TSPAN5: variants seen among roughly 807,000 people sequenced by gnomAD.
The protein encoded by TSPAN5 is tetraspanin 5.
Under a neutral mutation model 37.1 loss-of-function variants are expected in TSPAN5, and 10 were observed. The observed-to-expected ratio is 0.27, with a 90% confidence interval of 0.17 to 0.46. The LOEUF (loss-of-function observed/expected upper bound fraction) is 0.46, where lower values mean the gene tolerates loss of function less well. Ranked by LOEUF, TSPAN5 falls within the 20% of genes least tolerant of loss-of-function variation. The probability of loss-of-function intolerance (pLI) is 1.00; values close to 1 mark genes in which losing one functional copy is unlikely to be tolerated. For missense variants in TSPAN5, 195 were observed against 326.6 expected (o/e 0.60, Z 3.11); for synonymous variants, 110 against 118.9 (o/e 0.93, Z 0.48).
chr4:98,503,338 A>G lies in TSPAN5; in HGVS notation c.132+4340T>C, dbSNP rs554464747. ...TTCCTCTCCATGGTGCAGAAAAGAC[A>G]CCAGAGCGGGGCCAGATGAGCACCA... is the stretch of plus-strand genomic sequence containing the variant. On this transcript the variant is annotated intron_variant, in intron 2 of 7. Transcript: ENST00000305798. 3.3e-5 allele frequency among the ~76,000 whole-genome samples: 5 copies of G among 152,252 alleles called. No homozygotes were observed. The East Asian group carries it at 9.6e-4, about 29-fold the overall frequency.
intron 1 of TSPAN5, among the ~76,000 whole-genome samples, chr4:98,548,658 A>G (rs1754526473): frequency 6.6e-6 from 1 of 152,038 alleles, no homozygotes; most frequent in Non-Finnish European, 1.5e-5. Flanking sequence ...TAATTTTTCA[A>G]CCCTCACCTC....
chr4:98,551,760 AAAGTGCTGG>A (rs1754623937), intron 1 of TSPAN5, among the ~76,000 whole-genome samples: 1 of 151,664 alleles, frequency 6.6e-6, no homozygotes, highest in Non-Finnish European at 1.5e-5. Context: ...ACGGCCTCCC[AAAGTGCTGG>A]GATTACAGGC....
chr4:98,585,940 G>T (rs1755476073), intron 1 of TSPAN5, among the ~76,000 whole-genome samples: 1 of 152,166 alleles, frequency 6.6e-6, no homozygotes, highest in Non-Finnish European at 1.5e-5. Flanking sequence ...CTGAAATTTT[G>T]CTCTCTAGCT....
intron 1 of TSPAN5, among the ~76,000 whole-genome samples, chr4:98,558,321 CTG>C (rs1346466962): frequency 8.5e-5 from 13 of 152,174 alleles, no homozygotes; most frequent in African/African-American, 1.4e-4. Flanking sequence ...TAAATGGAAA[CTG>C]TACTATCTTT....
At chr4:98,642,709 A>G (rs1167986350) in intron 1 of TSPAN5, among the ~76,000 whole-genome samples, 2 of 151,964 alleles carry the variant, frequency 1.3e-5, no homozygotes, top group Non-Finnish European at 2.9e-5. Flanking sequence ...AAAAATTCCT[A>G]TTGTCTAGTG....
At chr4:98,559,798 A>C (rs1194969081) in intron 1 of TSPAN5, among the ~76,000 whole-genome samples, 1 of 152,196 alleles carries the variant, frequency 6.6e-6, no homozygotes, top group Non-Finnish European at 1.5e-5. Flanking sequence ...ATTGGTAGAA[A>C]GCAGAAATTT....
intron 1 of TSPAN5, among the ~76,000 whole-genome samples, chr4:98,595,146 C>T (rs1242787683): frequency 9.4e-6 from 1 of 106,654 alleles, no homozygotes; most frequent in Non-Finnish European, 1.8e-5. Context: ...AGAGATTCAA[C>T]TTCTTCCTGG....
chr4:98,604,980 G>A (rs1276360924), intron 1 of TSPAN5, among the ~76,000 whole-genome samples: 1 of 152,140 alleles, frequency 6.6e-6, no homozygotes, highest in Non-Finnish European at 1.5e-5. Context: ...CTGTGACTCA[G>A]TAGATCCCAA....
intron 2 of TSPAN5, among the ~76,000 whole-genome samples, chr4:98,496,102 A>T (rs1753206268): frequency 6.6e-6 from 1 of 152,220 alleles, no homozygotes; most frequent in East Asian, 1.9e-4. Flanking sequence ...CTAGTGAGAA[A>T]GGGTAACGAG....
At position 98,486,728 on chromosome 4, in the gene TSPAN5, G is replaced by T. The variant is rs767240988; in HGVS notation, c.279+10C>A. ...GCTCTCAATCTGAGAGTAGAGAGTGGAATACTTACAAACTTGAGAAGGAAA... is the reference window on the plus strand; with the variant it reads ...GCTCTCAATCTGAGAGTAGAGAGTGTAATACTTACAAACTTGAGAAGGAAA... On this transcript the variant is annotated intron_variant, in intron 3 of 7. Transcript: ENST00000305798. The T allele has an allele frequency of 2.6e-5, 42 of 1,613,806 alleles. No individual in the cohort carries two copies. In the Admixed American group the frequency reaches 7.0e-4, roughly 27 times the overall value.
At chr4:98,589,585 G>A (rs1755577597) in intron 1 of TSPAN5, among the ~76,000 whole-genome samples, 1 of 152,158 alleles carries the variant, frequency 6.6e-6, no homozygotes, top group African/African-American at 2.4e-5. Flanking sequence ...TACATTAACT[G>A]GATAATTGCT....
intron 1 of TSPAN5, 29 bp from the exon 2 acceptor site, chr4:98,507,757 T>A: frequency 6.5e-7 from 1 of 1,533,824 alleles, no homozygotes; most frequent in Non-Finnish European, 8.9e-7. Context: ...AGTGTAAATA[T>A]AAGGGAAAAT....
chr4:98,484,714 C>G (rs1410048899), intron 3 of TSPAN5: 1 of 391,032 alleles, frequency 2.6e-6, no homozygotes, highest in Non-Finnish European at 5.0e-6. Flanking sequence ...GTAATCCCAG[C>G]ATTCTGGGAG....
At chr4:98,643,557 C>T (rs1012583575) in intron 1 of TSPAN5, among the ~76,000 whole-genome samples, 1 of 152,036 alleles carries the variant, frequency 6.6e-6, no homozygotes, top group Admixed American at 6.5e-5. Context: ...GACCCCTATC[C>T]CTTCACTTCT....
At chr4:98,588,955 A>G (rs938322792) in intron 1 of TSPAN5, among the ~76,000 whole-genome samples, 2 of 152,176 alleles carry the variant, frequency 1.3e-5, no homozygotes, top group South Asian at 4.1e-4. Flanking sequence ...GCTGGCTAGA[A>G]ATTAAGCTAT....
At chr4:98,649,733 A>G (rs1757144414) in intron 1 of TSPAN5, among the ~76,000 whole-genome samples, 1 of 152,210 alleles carries the variant, frequency 6.6e-6, no homozygotes, top group Non-Finnish European at 1.5e-5. Context: ...AGACAGTAGC[A>G]GAGGCTTCTG....
chr4:98,507,583 C>A (rs1030581567), intron 2 of TSPAN5, 95 bp downstream of exon 2: 24 of 897,166 alleles, frequency 2.7e-5, no homozygotes, highest in Non-Finnish European at 4.1e-5. Flanking sequence ...CATGTTTATA[C>A]TCTGTGGTTG....
chr4:98,600,875 T>C (rs536385962), intron 1 of TSPAN5, among the ~76,000 whole-genome samples: 1 of 152,340 alleles, frequency 6.6e-6, no homozygotes, highest in East Asian at 1.9e-4. Context: ...ATATAGTCTA[T>C]GGCAGCATTA....
intron 1 of TSPAN5, among the ~76,000 whole-genome samples, chr4:98,559,545 T>G (rs1754832009): frequency 1.3e-5 from 2 of 152,218 alleles, no homozygotes; most frequent in South Asian, 4.1e-4. Context: ...AACACTATTT[T>G]AAGGCAACTT....
Sources: allele counts gnomAD v4.1 joint callset (sites outside exome capture counted in the v4.1 genomes callset), GRCh38; gene constraint gnomAD v4.1.1; transcripts MANE v1.5; gene names NCBI Gene and HGNC (gene_info 2026-07-23, HGNC 2026-07-21).